PCDHGA3: variants seen among roughly 807,000 people sequenced by gnomAD.
The protein encoded by PCDHGA3 is protocadherin gamma subfamily A, 3, also known as protocadherin gamma-A3.
Under a neutral mutation model 58.5 loss-of-function variants are expected in PCDHGA3, and 40 were observed. The ratio of observed to expected loss-of-function variants is 0.68; its 90% CI spans 0.53 to 0.89. The LOEUF (loss-of-function observed/expected upper bound fraction) is 0.89, where lower values mean the gene tolerates loss of function less well. PCDHGA3 is among the 40% of genes least tolerant of loss of function. PCDHGA3 has a pLI of 0.00. For synonymous variants in PCDHGA3, 530 were observed against 525.7 expected, an observed-to-expected ratio of 1.01 and a Z score of -0.11; for missense variants, 1,223 against 1,195.9, an observed-to-expected ratio of 1.02 and a Z score of -0.33.
At chr5:141,357,582 T>C (rs748611529) in intron 1 of PCDHGA3, 1 of 1,614,204 alleles carries the variant, frequency 6.2e-7, no homozygotes, top group Admixed American at 1.7e-5. Flanking sequence ...TTCTGATAAC[T>C]CAGGATTTAC....
Position 141,451,147 on chromosome 5 carries a change from A to G in PCDHGA3, c.2425-43660A>G, listed in dbSNP as rs2098708727. ...CCAGCCTTATGATTGTATTTAGACT[A>G]GACATTTTTTTGGTAGTATATTATT... On this transcript the variant is annotated intron_variant, in intron 1 of 3. Coordinates refer to ENST00000253812, the MANE Select transcript of PCDHGA3 (RefSeq NM_018916.4). Among the ~76,000 whole-genome samples, 3 of 152,250 alleles carry G rather than the reference A, an allele frequency of 2.0e-5. No homozygotes were observed. In the South Asian group the frequency reaches 6.2e-4, roughly 32 times the overall value.
chr5:141,508,961 A>G (rs991011427), intron 3 of PCDHGA3, among the ~76,000 whole-genome samples: 2 of 151,978 alleles, frequency 1.3e-5, no homozygotes, highest in Non-Finnish European at 2.9e-5. Flanking sequence ...TGTCAGCGGA[A>G]TGAAAGGGCT....
chr5:141,400,282 G>T (rs774476991), intron 1 of PCDHGA3: 2 of 1,613,974 alleles, frequency 1.2e-6, no homozygotes, highest in Non-Finnish European at 1.7e-6. Context: ...CAGCCCTGCC[G>T]CCTGGAGCTG....
chr5:141,427,616 C>T (rs922511046), intron 1 of PCDHGA3: 1 of 693,880 alleles, frequency 1.4e-6, no homozygotes, highest in Non-Finnish European at 2.6e-6. Context: ...GTGAAGTCAA[C>T]GACAATGCTC....
At chr5:141,348,345 G>A (rs1309569238) in intron 1 of PCDHGA3, among the ~76,000 whole-genome samples, 4 of 152,162 alleles carry the variant, frequency 2.6e-5, no homozygotes, top group Non-Finnish European at 4.4e-5. Context: ...AGCCAGGGGA[G>A]GACTTCTGAG....
intron 1 of PCDHGA3, chr5:141,392,836 C>T: frequency 6.2e-7 from 1 of 1,608,040 alleles, no homozygotes; most frequent in Non-Finnish European, 8.5e-7. Context: ...CAGAGTCGCC[C>T]CAGACGCGGC....
Position 141,431,033 on chromosome 5 carries a change from C to G in PCDHGA3, c.2425-63774C>G, listed in dbSNP as rs1006751011. ...CTTGGTCACGGCGGGCAGGATAGAC[C>G]GGGAGGAGCTCTGTATGGGGGCCAT... On this transcript the variant is annotated intron_variant, in intron 1 of 3. Coordinates refer to ENST00000253812, the MANE Select transcript of PCDHGA3 (RefSeq NM_018916.4). This position sits in a 1 kb window ranked among gnomAD's most constrained non-coding sequence, Gnocchi z 4.8. 1.2e-6 allele frequency: 2 copies of G among 1,613,980 alleles called. No individual in the cohort carries two copies. Among genetic ancestry groups the G allele is most frequent in the Admixed American group, 3.3e-5 (2 of 60,024 alleles).
At chr5:141,429,489 A>G (rs2097218567) in intron 1 of PCDHGA3, among the ~76,000 whole-genome samples, 1 of 152,062 alleles carries the variant, frequency 6.6e-6, no homozygotes, top group South Asian at 2.1e-4. Context: ...AGCTGAGACT[A>G]CAGTTGCCTG....
At chr5:141,364,626 G>A (rs1188040280) in intron 1 of PCDHGA3, 1 of 1,614,162 alleles carries the variant, frequency 6.2e-7, no homozygotes, top group East Asian at 2.2e-5. Flanking sequence ...TGCGCTCAGA[G>A]CCCACTGTGT....
intron 1 of PCDHGA3, among the ~76,000 whole-genome samples, chr5:141,494,177 TG>T (rs2099752471): frequency 6.6e-6 from 1 of 152,176 alleles, no homozygotes; most frequent in Non-Finnish European, 1.5e-5. Flanking sequence ...GGGTGAGAAG[TG>T]TCCCGGGACT....
At chr5:141,399,915 C>T in intron 1 of PCDHGA3, 1 of 1,612,364 alleles carries the variant, frequency 6.2e-7, no homozygotes, top group Non-Finnish European at 8.5e-7. Flanking sequence ...ACTCAGGACA[C>T]AACGCCTGGC....
At chr5:141,394,596 G>A (rs1485546922) in intron 1 of PCDHGA3, 2 of 1,613,702 alleles carry the variant, frequency 1.2e-6, no homozygotes, top group Non-Finnish European at 1.7e-6. Flanking sequence ...GGTGGCGGTG[G>A]ACAGAGACTC....
chr5:141,359,594 A>C (rs1761263639), intron 1 of PCDHGA3, among the ~76,000 whole-genome samples: 1 of 151,908 alleles, frequency 6.6e-6, no homozygotes, highest in Non-Finnish European at 1.5e-5. Flanking sequence ...ACAACTAAAA[A>C]AGCAATGTGC....
chr5:141,389,935 C>G (rs1212194328), intron 1 of PCDHGA3: 1 of 1,613,966 alleles, frequency 6.2e-7, no homozygotes, highest in Non-Finnish European at 8.5e-7. Flanking sequence ...GACCTCCAGG[C>G]TGAGCTGCAG....
At chr5:141,366,786 A>T in intron 1 of PCDHGA3, 3 of 1,575,572 alleles carry the variant, frequency 1.9e-6, no homozygotes, top group Non-Finnish European at 2.6e-6. Context: ...TGACCAGAAC[A>T]TTTTCATTTG....
rs746696159 is a variant in PCDHGA3 at position 141,383,050 on chromosome 5, G to T, written c.2424+36593G>T. 23 of 1,613,778 alleles carry T rather than the reference G, an allele frequency of 1.4e-5. No individual in the cohort carries two copies. The Admixed American group carries it at 1.7e-4, about 12-fold the overall frequency. ...GTCCTTTGTGGGAGACATCGCCAAG[G>T]ACCTGGGGCTGGAGCCCCGGGAGCT... On this transcript the variant is annotated intron_variant, in intron 1 of 3. Transcript: ENST00000253812.
intron 1 of PCDHGA3, among the ~76,000 whole-genome samples, chr5:141,397,601 T>C (rs1225684125): frequency 5.3e-5 from 8 of 152,198 alleles, no homozygotes; most frequent in Admixed American, 3.3e-4. Flanking sequence ...ATATTGCCAG[T>C]GACAAGGGCA....
intron 1 of PCDHGA3, chr5:141,377,921 A>C (rs1249670755): frequency 6.6e-6 from 1 of 152,150 alleles, no homozygotes; most frequent in African/African-American, 2.4e-5. Flanking sequence ...GTAAAAATCC[A>C]CCTGTAACTG....
rs779392461 is a variant in PCDHGA3, at chr5:141,428,623, TC to T, written c.2425-66183del. 3.1e-5 allele frequency: 6 copies of T among 193,516 alleles called. No individual in the cohort carries two copies. In the East Asian group the frequency reaches 5.4e-4, roughly 17 times the overall value. 12.0% of individuals were successfully genotyped at this position (193,516 alleles called of 1,614,324 possible). ...CACTGAAGAGAATAACAAGATAAGC[TC>T]TAACTCTGTTGCTCCTACTCACGTG... On this transcript the variant is annotated intron_variant, in intron 1 of 3. Coordinates refer to ENST00000253812, the MANE Select transcript of PCDHGA3 (RefSeq NM_018916.4).
Sources: gnomAD v4.1 joint callset for allele counts (sites outside exome capture counted in the v4.1 genomes callset) on GRCh38, gnomAD v4.1.1 for gene constraint, Gnocchi (gnomAD v3.1) non-coding constraint, MANE v1.5 for transcripts, NCBI Gene and HGNC (gene_info 2026-07-23, HGNC 2026-07-21) for gene names.